ARID1B: variants seen among roughly 807,000 people sequenced by gnomAD.
ARID1B encodes the protein AT-rich interaction domain 1B.
A neutral mutation model predicts 212.3 loss-of-function variants in ARID1B; 30 were observed. The ratio of observed to expected loss-of-function variants is 0.14; its 90% CI spans 0.11 to 0.19. ARID1B has a LOEUF of 0.19. ARID1B is among the 10% of genes least tolerant of loss of function. The pLI, the probability that ARID1B is intolerant of heterozygous loss-of-function variation, is 1.00. For missense variants in ARID1B, 2,891 were observed against 3,204.0 expected (o/e 0.90, Z 2.36); for synonymous variants, 1,402 against 1,301.7 (o/e 1.08, Z -1.66).
chr6:156,937,869 A>G lies in ARID1B; in HGVS notation c.2247+2293A>G, dbSNP rs578044895. On this transcript the variant is annotated intron_variant, in intron 4 of 19. Coordinates refer to ENST00000636930, the MANE Select transcript of ARID1B (RefSeq NM_001374828.1). ...GTCCATAATGTAAGTTTTTTTTTTA[A>G]TGAAATACCCCAATTGGTATTTTCT... The G allele has an allele frequency of 2.0e-5, 3 of 151,968 alleles. No homozygotes were observed. In the South Asian group the frequency reaches 6.2e-4, roughly 32 times the overall value. The allele number at this position is 151,968 out of a possible 1,614,324, so 9.4% of individuals were successfully genotyped here. A position where few individuals can be genotyped will look rare whatever the true frequency, so the allele number is the denominator to read the frequency against.
rs761097285 is a variant in ARID1B, at chr6:157,201,515, A to G, written c.5263+27A>G. The G allele has an allele frequency of 2.0e-6, 3 of 1,492,002 alleles. No individual in the cohort carries two copies. The South Asian group carries it at 4.3e-5, about 21-fold the overall frequency. The allele number at this position is 1,492,002 out of a possible 1,614,324, so 92.4% of individuals were successfully genotyped here. ...TAAGAATTCCAAAGCTTTCATTCTGAAATGAATTCCAGTTGCAGTGTAGAA... is the reference window on the plus strand; with the variant it reads ...TAAGAATTCCAAAGCTTTCATTCTGGAATGAATTCCAGTTGCAGTGTAGAA... On this transcript the variant is annotated intron_variant, in intron 18 of 19. Coordinates refer to ENST00000636930, the MANE Select transcript of ARID1B (RefSeq NM_001374828.1). This position sits in a 1 kb window ranked among gnomAD's most constrained non-coding sequence, Gnocchi z 5.2.
At position 157,209,479 on chromosome 6, in the gene ARID1B, C is replaced by T. The variant is rs140822829; in HGVS notation, c.*1588C>T. ...ATTAGTCTTTCTTTGAAGCAATTAA[C>T]TCTAACGACATTGAGGTATGATCAT... On this transcript the variant is annotated 3_prime_UTR_variant, in exon 20 of 20. Coordinates refer to ENST00000636930, the MANE Select transcript of ARID1B (RefSeq NM_001374828.1). 0.013 allele frequency: 2,947 copies of T among 232,812 alleles called. 80 individuals are homozygous for T. Among genetic ancestry groups the T allele is most frequent in the African/African-American group, 0.058 (2,640 of 45,438 alleles). The allele number at this position is 232,812 out of a possible 1,614,324, so 14.4% of individuals were successfully genotyped here.
At chr6:157,062,855 C>T (rs1229950635) in intron 4 of ARID1B, among the ~76,000 whole-genome samples, 3 of 151,762 alleles carry the variant, frequency 2.0e-5, no homozygotes, top group Non-Finnish European at 4.4e-5. Context: ...AGGTGCGCAC[C>T]AGCACACCTG....
At chr6:157,095,451 C>G (rs1366712227) in intron 5 of ARID1B, among the ~76,000 whole-genome samples, 1 of 152,198 alleles carries the variant, frequency 6.6e-6, no homozygotes, top group Non-Finnish European at 1.5e-5. Flanking sequence ...AAGGTAGAGA[C>G]TGTGAAAAAG....
chr6:156,919,388 T>G (rs1192164725), intron 3 of ARID1B, among the ~76,000 whole-genome samples: 1 of 152,216 alleles, frequency 6.6e-6, no homozygotes, highest in African/African-American at 2.4e-5. Flanking sequence ...TTTAAGTTTT[T>G]TTTTTCTTTC....
Position 156,821,442 on chromosome 6 carries a change from C to T in ARID1B, c.1792-7785C>T, listed in dbSNP as rs893047747. On this transcript the variant is annotated intron_variant, in intron 1 of 19. Coordinates refer to ENST00000636930, the MANE Select transcript of ARID1B (RefSeq NM_001374828.1). ...CTTACAGCGATCTTCAAATATTCTGCCAAAGGACCAAAGTAATACCAATGG... is the reference window on the plus strand; with the variant it reads ...CTTACAGCGATCTTCAAATATTCTGTCAAAGGACCAAAGTAATACCAATGG... Among the ~76,000 whole-genome samples the T allele has an allele frequency of 4.4e-4, 67 of 152,254 alleles. 1 individual carries two copies. The highest frequency in any genetic ancestry group is 1.8e-4 in the Non-Finnish European group (12 of 68,022).
chr6:157,176,812 C>A (rs1421961711), intron 11 of ARID1B, among the ~76,000 whole-genome samples: 2 of 152,170 alleles, frequency 1.3e-5, no homozygotes, highest in Admixed American at 6.5e-5. Flanking sequence ...CGCCACTGCA[C>A]TCCAGCCTGG....
At chr6:157,140,478 T>C (rs1789267906) in intron 7 of ARID1B, 1 of 393,686 alleles carries the variant, frequency 2.5e-6, no homozygotes, top group Non-Finnish European at 4.5e-6. Flanking sequence ...TCGATAAAAA[T>C]AAAAAGAACA....
rs1778726943 is a variant in ARID1B, at chr6:156,777,777, C to G, written c.97C>G (p.Pro33Ala). 1 of 863,460 alleles carries G rather than the reference C, an allele frequency of 1.2e-6. No individual in the cohort carries two copies. Among genetic ancestry groups the G allele is most frequent in the South Asian group, 5.2e-5 (1 of 19,340 alleles). The allele number at this position is 863,460 out of a possible 1,614,324, so 53.5% of individuals were successfully genotyped here. ...ACGGCGGGCGCCCCCCGGGCCGCGG[C>G]CGGCGCCCGGAGCCCGGGACCTGGA... ...GERRAPPGPR[P>A]APGARDLEAG... Residue 33 changes from proline to alanine, a missense_variant, in exon 1 of 20, where the codon CCG becomes GCG. By Grantham distance (27) the Pro-to-Ala change is conservative (BLOSUM62 -1). This residue lies in a region of ARID1B where 1,643 missense variants were observed against 1,544.0 expected (regional missense o/e 1.06). Coordinates refer to ENST00000636930, the MANE Select transcript of ARID1B (RefSeq NM_001374828.1).
At chr6:156,872,172 C>T (rs1437958999) in intron 2 of ARID1B, among the ~76,000 whole-genome samples, 1 of 152,116 alleles carries the variant, frequency 6.6e-6, no homozygotes, top group Non-Finnish European at 1.5e-5. Flanking sequence ...ACTACAATTT[C>T]TTTTTTATTA....
intron 4 of ARID1B, among the ~76,000 whole-genome samples, chr6:157,046,833 TTTCTCAAA>T (rs1411231924): frequency 6.6e-6 from 1 of 152,226 alleles, no homozygotes; most frequent in African/African-American, 2.4e-5. Flanking sequence ...TTTCAGCATT[TTTCTCAAA>T]GAGAAAATGT....
chr6:156,876,707 C>T (rs886920183), intron 2 of ARID1B, among the ~76,000 whole-genome samples: 1 of 152,156 alleles, frequency 6.6e-6, no homozygotes, highest in Non-Finnish European at 1.5e-5. Context: ...TAGCCTTTAC[C>T]CAAGTTGAGG....
At chr6:156,820,264 C>T (rs1270875357) in intron 1 of ARID1B, among the ~76,000 whole-genome samples, 3 of 152,052 alleles carry the variant, frequency 2.0e-5, no homozygotes, top group Non-Finnish European at 2.9e-5. Context: ...GGGTCTTTAC[C>T]TCTTTTATCT....
rs963639621 is a variant in ARID1B at position 156,777,954 on chromosome 6, G to T, written c.274G>T (p.Ala92Ser). The T allele has an allele frequency of 6.5e-7, 1 of 1,529,186 alleles. No individual in the cohort carries two copies. The highest frequency in any genetic ancestry group is 1.2e-5 in the South Asian group (1 of 83,500). The allele number at this position is 1,529,186 out of a possible 1,614,324, so 94.7% of individuals were successfully genotyped here. ...LNMAHNAGAA[A>S]AAGTHSAKSG... is the part of the protein sequence containing the mutation. ...CATGGCCCATAACGCGGGCGCCGCG[G>T]CCGCCGCCGGCACCCACAGCGCCAA... is the stretch of plus-strand genomic sequence containing the variant. Residue 92 changes from alanine (A) to serine (S), a missense_variant, in exon 1 of 20, where the codon GCC becomes TCC. Physicochemically the swap from Ala to Ser is moderately conservative, Grantham distance 99. Transcript: ENST00000636930.
rs1468561084 is a variant in ARID1B, at chr6:157,201,241, C to T, written c.5016C>T (p.His1672=). ...SYQTPPSLPN[H]ISRAPSPASF... is the part of the protein sequence containing the mutation. The stretch of plus-strand genomic sequence containing the variant: ...AGACGCCACCGTCACTGCCAAATCA[C>T]ATCTCCAGGGCGCCCAGCCCAGCGT... The change falls in exon 18 of 20, where the codon CAC becomes CAT. Residue 1672 remains histidine, a synonymous_variant. Transcript: ENST00000636930. This position sits in a 1 kb window ranked among gnomAD's most constrained non-coding sequence, Gnocchi z 5.2. The T allele has an allele frequency of 3.7e-6, 6 of 1,614,042 alleles. No individual in the cohort carries two copies. Among genetic ancestry groups the T allele is most frequent in the Admixed American group, 3.3e-5 (2 of 60,020 alleles).
chr6:157,077,718 G>A (rs968822401), intron 4 of ARID1B, among the ~76,000 whole-genome samples: 46 of 152,066 alleles, frequency 3.0e-4, no homozygotes, highest in African/African-American at 1.1e-3. Flanking sequence ...ATTGTTGTTT[G>A]TGTGGTTTGT....
At chr6:156,843,020 A>G (rs932614528) in intron 2 of ARID1B, among the ~76,000 whole-genome samples, 1 of 152,254 alleles carries the variant, frequency 6.6e-6, no homozygotes, top group Admixed American at 6.5e-5. Flanking sequence ...TGGGTGGCAC[A>G]TAGACACAGC....
intron 2 of ARID1B, among the ~76,000 whole-genome samples, chr6:156,846,449 C>G (rs1784239964): frequency 6.6e-6 from 1 of 151,976 alleles, no homozygotes; most frequent in African/African-American, 2.4e-5. Flanking sequence ...ACAGGCTGAG[C>G]CACCGCGCCT....
intron 4 of ARID1B, chr6:156,942,987 T>G (rs1316231096): frequency 1.3e-5 from 2 of 152,222 alleles, no homozygotes; most frequent in East Asian, 3.8e-4. Flanking sequence ...GTTATTTGCT[T>G]TTATGTTTCT....
Sources: allele counts gnomAD v4.1 joint callset (sites outside exome capture counted in the v4.1 genomes callset), GRCh38; gene constraint gnomAD v4.1.1; regional missense constraint gnomAD v4.1.1; non-coding constraint Gnocchi (gnomAD v3.1); transcripts MANE v1.5; gene names NCBI Gene and HGNC (gene_info 2026-07-23, HGNC 2026-07-21).